The following ZNF442 variants were observed in gnomAD, a reference collection of about 807,000 sequenced individuals.
ZNF442 encodes zinc finger protein 442.
In ZNF442, 45 loss-of-function variants were observed where a neutral mutation model predicts 57.0. The ratio of observed to expected loss-of-function variants is 0.79; its 90% confidence interval spans 0.62 to 1.01. ZNF442 has a LOEUF of 1.01. ZNF442 is among the 50% of genes least tolerant of loss of function. The pLI is 0.00. For missense variants in ZNF442, 690 were observed against 756.5 expected, an observed-to-expected ratio of 0.91 and a Z score of 1.03; for synonymous variants, 213 against 241.8, an observed-to-expected ratio of 0.88 and a Z score of 1.10.
At chr19:12,365,330 G>A (rs1969513995) in intron 1 of ZNF442, 87 bp from the exon 2 acceptor site, 2 of 213,398 alleles carry the variant, frequency 9.4e-6, no homozygotes, top group Non-Finnish European at 9.6e-6. Flanking sequence ...AAACGGGACA[G>A]GACGCCCGGG....
upstream of ZNF442, among the ~76,000 whole-genome samples, chr19:12,366,615 C>A (rs141754641): frequency 5.1e-3 from 775 of 152,232 alleles, 16 homozygotes; most frequent in African/African-American, 0.017. Flanking sequence ...CACTGCCATG[C>A]CTTATGCACA....
chr19:12,350,353 C>G lies in ZNF442; in HGVS notation c.1232G>C (p.Gly411Ala), dbSNP rs1456298632. The G allele has an allele frequency of 6.2e-7, 1 of 1,613,852 alleles. No homozygotes were observed. Among genetic ancestry groups the G allele is most frequent in the South Asian group, 1.1e-5 (1 of 91,076 alleles). The change falls in exon 6 of 6, where the codon GGG becomes GCG. Residue 411 changes from glycine to alanine, a missense_variant. Coordinates refer to ENST00000242804, the MANE Select transcript of ZNF442 (RefSeq NM_030824.3). ...TACACTGGGATAAATGAAGGCTTTCCCACATACCTTGCATTTGTGAGGTCC... is the reference window on the plus strand; with the variant it reads ...TACACTGGGATAAATGAAGGCTTTCGCACATACCTTGCATTTGTGAGGTCC... Reference protein sequence around the residue: ...GDGPHKCKVCGKAFIYPSVFQ... With the variant: ...GDGPHKCKVCAKAFIYPSVFQ...
chr19:12,361,084 G>A (rs796283171), intron 3 of ZNF442, among the ~76,000 whole-genome samples: 28 of 151,710 alleles, frequency 1.8e-4, no homozygotes, highest in African/African-American at 6.0e-4. Flanking sequence ...CCAGCTACTC[G>A]GGAGGCTGAG....
intron 3 of ZNF442, among the ~76,000 whole-genome samples, chr19:12,355,391 C>T (rs1476579216): frequency 5.0e-5 from 7 of 139,306 alleles, no homozygotes; most frequent in African/African-American, 1.8e-4. Context: ...GACGGAGTTT[C>T]GCTCTTATTA....
At chr19:12,368,612 G>C (rs1018656397), upstream of ZNF442, among the ~76,000 whole-genome samples, 1 of 152,160 alleles carries the variant, frequency 6.6e-6, no homozygotes, top group Admixed American at 6.5e-5. Flanking sequence ...GGCAACCAGA[G>C]CAAGTCACGC....
chr19:12,368,821 G>T (rs1022137365), upstream of ZNF442, among the ~76,000 whole-genome samples: 1 of 152,140 alleles, frequency 6.6e-6, no homozygotes, highest in Non-Finnish European at 1.5e-5. Flanking sequence ...TGAGCAGCCA[G>T]ACCCTTTTGC....
At chr19:12,353,817 C>T (rs1170773857) in intron 3 of ZNF442, among the ~76,000 whole-genome samples, 2 of 152,050 alleles carry the variant, frequency 1.3e-5, no homozygotes, top group African/African-American at 4.8e-5. Flanking sequence ...AAGATTAATC[C>T]ATTCTTGGAT....
intron 3 of ZNF442, among the ~76,000 whole-genome samples, chr19:12,353,352 A>C (rs555565541): frequency 1.3e-5 from 2 of 152,324 alleles, no homozygotes; most frequent in South Asian, 4.1e-4. Flanking sequence ...GATGACTTAA[A>C]TGAGTGAATT....
chr19:12,368,477 G>A (rs146341199), upstream of ZNF442, among the ~76,000 whole-genome samples: 4,218 of 152,218 alleles, frequency 0.028, 78 homozygotes, highest in Non-Finnish European at 0.042. Flanking sequence ...GGCTTCAGCC[G>A]GTCCCTCCAT....
At chr19:12,352,168 C>T in intron 4 of ZNF442, 98 bp from the exon 5 acceptor site, 24 of 1,159,112 alleles carry the variant, frequency 2.1e-5, no homozygotes, top group Non-Finnish European at 3.0e-5. Flanking sequence ...GATTCATTCA[C>T]TGAATTGTAG....
the ZNF442 span, chr19:12,373,650 G>C: frequency 3.3e-6 from 1 of 307,370 alleles, no homozygotes; most frequent in Admixed American, 3.1e-5. Context: ...AGCATGGTCT[G>C]ATCCGGAAAT....
intron 3 of ZNF442, among the ~76,000 whole-genome samples, chr19:12,357,492 C>T (rs1969353284): frequency 6.6e-6 from 1 of 151,624 alleles, no homozygotes; most frequent in African/African-American, 2.4e-5. Context: ...GCTGGGATTA[C>T]AGGTGCCCAT....
At position 12,350,417 on chromosome 19, in the gene ZNF442, A is replaced by C. The variant is rs1036178344; in HGVS notation, c.1168T>G (p.Ser390Ala). Residue 390 changes from serine to alanine, a missense_variant, in exon 6 of 6, where the codon TCA (serine) becomes GCA (alanine). Physicochemically the swap from Ser to Ala is moderately conservative, Grantham distance 99. Transcript: ENST00000242804. The part of the protein sequence containing the change: ...KQCGKALSHH[S>A]SFRSHMIMHT... ...ATTATCATATGACTTCGAAAGCTTG[A>C]GTGATGAGATAACGCTTTCCCACAC... The C allele has an allele frequency of 6.2e-7, 1 of 1,613,218 alleles. No individual in the cohort carries two copies. The highest frequency in any genetic ancestry group is 1.3e-5 in the African/African-American group (1 of 74,644).
chr19:12,366,482 C>G (rs1969532466), upstream of ZNF442, among the ~76,000 whole-genome samples: 1 of 152,026 alleles, frequency 6.6e-6, no homozygotes, highest in Non-Finnish European at 1.5e-5. Flanking sequence ...TTCCCTTTTC[C>G]TCTTTCCCCT....
At chr19:12,352,887 C>G in intron 4 of ZNF442, 101 bp downstream of exon 4, 1 of 1,411,778 alleles carries the variant, frequency 7.1e-7, no homozygotes, top group Non-Finnish European at 9.6e-7. Flanking sequence ...GTTGAAGGGT[C>G]AACTATATCC....
intron 3 of ZNF442, among the ~76,000 whole-genome samples, chr19:12,361,615 T>TG (rs1014328087): frequency 6.7e-6 from 1 of 149,774 alleles, no homozygotes; most frequent in African/African-American, 2.5e-5. Flanking sequence ...CTTGACAGAC[T>TG]GGGGGAAAAA....
intron 4 of ZNF442, 119 bp downstream of exon 4, chr19:12,352,869 C>G (rs1238996428): frequency 8.0e-7 from 1 of 1,250,360 alleles, no homozygotes; most frequent in South Asian, 1.5e-5. Context: ...ACCACTTAAC[C>G]CTGTGTTGTT....
the ZNF442 span, among the ~76,000 whole-genome samples, chr19:12,372,979 G>A: frequency 2.5e-3 from 386 of 152,206 alleles, 1 homozygote; most frequent in East Asian, 0.026. Flanking sequence ...TCACCATGTT[G>A]GCCAGGATGG....
In ZNF442 at chr19:12,350,048, C is replaced by T. The variant is rs1445622788; in HGVS notation, c.1537G>A (p.Glu513Lys). The change falls in exon 6 of 6, where the codon GAA (glutamate) becomes AAA (lysine). Residue 513 changes from glutamate (E) to lysine (K), a missense_variant. Glu to Lys is a moderately conservative substitution (Grantham distance 56, BLOSUM62 1). Transcript: ENST00000242804. ...LSQHRRTHMAEKPYECKTCKK... is the reference protein window; with the variant it reads ...LSQHRRTHMAKKPYECKTCKK... ...CATGTTTTACATTCATAAGGTTTTTCAGCCATGTGAGTCCTTCTATGTTGA... is the reference window on the plus strand; with the variant it reads ...CATGTTTTACATTCATAAGGTTTTTTAGCCATGTGAGTCCTTCTATGTTGA... 2 of 1,614,016 alleles carry T rather than the reference C, an allele frequency of 1.2e-6. No homozygotes were observed. The highest frequency in any genetic ancestry group is 3.3e-5 in the Admixed American group (2 of 60,006).
Sources: gnomAD v4.1 joint callset for allele counts (sites outside exome capture counted in the v4.1 genomes callset) on GRCh38, gnomAD v4.1.1 for gene constraint, MANE v1.5 for transcripts, NCBI Gene and HGNC (gene_info 2026-07-23, HGNC 2026-07-21) for gene names.